The following ABCA13 variants were observed in gnomAD, a reference collection of about 807,000 sequenced individuals.
The protein encoded by ABCA13 is ATP-binding cassette sub-family A member 13.
In ABCA13, 476 loss-of-function variants were observed where a neutral mutation model predicts 478.7. That is an observed-to-expected ratio of 0.99 (90% CI 0.92 to 1.07). The LOEUF is 1.07. Ranked by LOEUF, ABCA13 falls within the 50% of genes least tolerant of loss-of-function variation. The pLI, the probability that ABCA13 is intolerant of heterozygous loss-of-function variation, is 0.00. For missense variants in ABCA13, 6,060 were observed against 5,910.6 expected, an observed-to-expected ratio of 1.03 and a Z score of -0.83; for synonymous variants, 2,252 against 2,158.9, an observed-to-expected ratio of 1.04 and a Z score of -1.20.
intron 59 of ABCA13, among the ~76,000 whole-genome samples, chr7:48,640,326 G>T (rs749197435): frequency 3.3e-5 from 5 of 152,168 alleles, no homozygotes; most frequent in African/African-American, 1.2e-4. Context: ...GTCTCTGCAG[G>T]TGCATTGCCA....
intron 17 of ABCA13, 80 bp downstream of exon 17, chr7:48,276,645 T>C: frequency 8.8e-7 from 1 of 1,142,068 alleles, no homozygotes. Context: ...TATAGACATG[T>C]CAAAAACAGT....
chr7:48,358,245 G>A (rs1212129660), intron 31 of ABCA13, among the ~76,000 whole-genome samples: 2 of 122,524 alleles, frequency 1.6e-5, no homozygotes, highest in African/African-American at 6.4e-5. Flanking sequence ...GGGAGGGGAG[G>A]GGAGGGGAGG....
Position 48,274,151 on chromosome 7 carries a change from T to C in ABCA13, c.4485T>C (p.Asp1495=). The change falls in exon 17 of 62, where the codon GAT becomes GAC. Residue 1495 remains aspartate (D), a synonymous_variant. Transcript: ENST00000435803. ...AGATTTTATTAGCTCTTTTAAATGATTCCACAAAGCAAGTAAGGATGAGTA... is the reference window on the plus strand; with the variant it reads ...AGATTTTATTAGCTCTTTTAAATGACTCCACAAAGCAAGTAAGGATGAGTA... ...KFEILLALLN[D]STKQVRMSIN... The C allele has an allele frequency of 6.2e-7, 1 of 1,609,748 alleles. No individual in the cohort carries two copies. The highest frequency in any genetic ancestry group is 8.5e-7 in the Non-Finnish European group (1 of 1,177,374).
At chr7:48,639,618 A>C (rs924476953) in intron 59 of ABCA13, among the ~76,000 whole-genome samples, 3 of 152,194 alleles carry the variant, frequency 2.0e-5, no homozygotes, top group African/African-American at 7.2e-5. Context: ...TGTAGGGAAT[A>C]GCACATGTAT....
intron 59 of ABCA13, among the ~76,000 whole-genome samples, chr7:48,625,238 C>T (rs1476063680): frequency 6.6e-6 from 1 of 152,134 alleles, no homozygotes; most frequent in African/African-American, 2.4e-5. Context: ...TATCTATAAA[C>T]CATTACTATA....
chr7:48,488,985 G>A (rs1040959327), intron 47 of ABCA13, among the ~76,000 whole-genome samples: 36 of 152,204 alleles, frequency 2.4e-4, no homozygotes, highest in African/African-American at 7.7e-4. Flanking sequence ...TAATTATAGA[G>A]CAACATTCAC....
intron 8 of ABCA13, among the ~76,000 whole-genome samples, chr7:48,237,012 G>GTTTTTTTTTTTTTTTTTTTTT (rs35078208): frequency 7.6e-6 from 1 of 130,918 alleles, no homozygotes. Flanking sequence ...AGAGGGTAGG[G>GTTTTTTTTTTTTTTTTTTTTT]TTTTTTTTTT....
chr7:48,389,243 C>G, intron 37 of ABCA13, 23 bp downstream of exon 37: 1 of 1,592,422 alleles, frequency 6.3e-7, no homozygotes, highest in Non-Finnish European at 8.6e-7. Flanking sequence ...TTACCCTTAT[C>G]AAACACTGGG....
intron 15 of ABCA13, among the ~76,000 whole-genome samples, chr7:48,250,134 A>G (rs923970475): frequency 6.6e-6 from 1 of 152,204 alleles, no homozygotes; most frequent in Non-Finnish European, 1.5e-5. Context: ...TTAAGCAGAT[A>G]TAATTTAGGA....
rs1315992486 is a variant in ABCA13 at position 48,481,094 on chromosome 7, T to A, written c.13034T>A (p.Leu4345Gln). 6.2e-7 allele frequency: 1 copy of A among 1,603,206 alleles called. No homozygotes were observed. Among genetic ancestry groups the A allele is most frequent in the Non-Finnish European group, 8.5e-7 (1 of 1,174,738 alleles). ...CTGACCAACCACCTGGGCCACACACTGTTGAATCTCTCAGGCTTCAATATG... is the reference window on the plus strand; with the variant it reads ...CTGACCAACCACCTGGGCCACACACAGTTGAATCTCTCAGGCTTCAATATG... ...PYLTNHLGHT[L>Q]LNLSGFNMEE... The change falls in exon 46 of 62, where the codon CTG (leucine) becomes CAG (glutamine). Residue 4345 changes from leucine (L) to glutamine (Q), a missense_variant. By Grantham distance (113) the Leu-to-Gln change is moderately radical (BLOSUM62 -2). Around this residue, in one of 3 missense-constraint regions of ABCA13, gnomAD observed 1,627 missense variants for 1,571.0 expected, o/e 1.04. Transcript: ENST00000435803.
intron 50 of ABCA13, among the ~76,000 whole-genome samples, chr7:48,509,358 G>A (rs544081431): frequency 4.1e-4 from 62 of 152,140 alleles, no homozygotes; most frequent in African/African-American, 1.2e-3. Context: ...TCTCTCTGCC[G>A]TCTGTCATTT....
chr7:48,600,953 A>C (rs1434228803), intron 58 of ABCA13, among the ~76,000 whole-genome samples: 4 of 152,126 alleles, frequency 2.6e-5, no homozygotes, highest in Admixed American at 2.6e-4. Context: ...TTGGTCTTCC[A>C]TTACGTGTAT....
chr7:48,522,994 T>C (rs908718215), intron 53 of ABCA13, among the ~76,000 whole-genome samples: 3 of 152,192 alleles, frequency 2.0e-5, no homozygotes, highest in Non-Finnish European at 4.4e-5. Context: ...GGAAATAACA[T>C]TCAAACAGAA....
intron 42 of ABCA13, among the ~76,000 whole-genome samples, chr7:48,439,742 A>C (rs1433508): frequency 0.28 from 41,832 of 152,080 alleles, 5,908 homozygotes; most frequent in East Asian, 0.38. Context: ...AGTAAACTGG[A>C]AGTTTACTTC....
intron 31 of ABCA13, among the ~76,000 whole-genome samples, chr7:48,366,149 C>T (rs1190970048): frequency 6.6e-6 from 1 of 152,024 alleles, no homozygotes; most frequent in African/African-American, 2.4e-5. Context: ...TTTATTTCTG[C>T]TCTAATATAA....
At chr7:48,308,894 C>A (rs1190904426) in intron 23 of ABCA13, among the ~76,000 whole-genome samples, 1 of 149,100 alleles carries the variant, frequency 6.7e-6, no homozygotes, top group East Asian at 1.9e-4. Context: ...GAGCAATAGA[C>A]CATACCCTAT....
rs186981940 is a variant in ABCA13, at chr7:48,404,041, G to T, written c.12070+162G>T. 4.0e-4 allele frequency: 327 copies of T among 814,666 alleles called. 2 individuals carry two copies. Among genetic ancestry groups the T allele is most frequent in the Non-Finnish European group, 3.8e-5 (19 of 501,774 alleles). 50.5% of individuals were successfully genotyped at this position (814,666 alleles called of 1,614,324 possible). On this transcript the variant is annotated intron_variant, in intron 39 of 61. Transcript: ENST00000435803. ...AGCACTTATAGGGATATATTCGTTA[G>T]ATAACATCTCTATAGTGCTTAGAAT...
intron 55 of ABCA13, among the ~76,000 whole-genome samples, chr7:48,538,022 T>A (rs760574507): frequency 2.7e-5 from 4 of 150,580 alleles, no homozygotes; most frequent in Non-Finnish European, 4.4e-5. Flanking sequence ...ATATATGATT[T>A]TAATATAGTA....
intron 58 of ABCA13, among the ~76,000 whole-genome samples, chr7:48,606,508 C>T (rs1430215941): frequency 1.3e-5 from 2 of 151,330 alleles, no homozygotes; most frequent in Non-Finnish European, 2.9e-5. Flanking sequence ...TGCTGGAGAT[C>T]CGCTCCAGAC....
Sources: allele counts gnomAD v4.1 joint callset (sites outside exome capture counted in the v4.1 genomes callset), GRCh38; gene constraint gnomAD v4.1.1; regional missense constraint gnomAD v4.1.1; transcripts MANE v1.5; gene names NCBI Gene and HGNC (gene_info 2026-07-23, HGNC 2026-07-21).